CREB5: variants seen among roughly 807,000 people sequenced by gnomAD.
The protein encoded by CREB5 is cAMP responsive element binding protein 5.
In CREB5, 19 loss-of-function variants were observed where a neutral mutation model predicts 57.1. The ratio of observed to expected loss-of-function variants is 0.33; its 90% CI spans 0.23 to 0.49. CREB5 has a LOEUF of 0.49. CREB5 is among the 20% of genes least tolerant of loss of function. The pLI, the probability that CREB5 is intolerant of heterozygous loss-of-function variation, is 0.99. For synonymous variants in CREB5, 238 were observed against 238.3 expected (o/e 1.00, Z 0.01); for missense variants, 579 against 671.6 (o/e 0.86, Z 1.52).
At chr7:28,307,980 C>T (rs1052788460) in intron 1 of CREB5, among the ~76,000 whole-genome samples, 2 of 152,214 alleles carry the variant, frequency 1.3e-5, no homozygotes, top group Admixed American at 6.5e-5. Flanking sequence ...AGGGCTGCTC[C>T]AGGCATAGGT....
At chr7:28,368,001 A>G (rs1014568114) in intron 1 of CREB5, among the ~76,000 whole-genome samples, 6 of 152,222 alleles carry the variant, frequency 3.9e-5, no homozygotes, top group Non-Finnish European at 8.8e-5. Flanking sequence ...ATACCCCACC[A>G]ATGATCTATG....
At chr7:28,810,408 G>A (rs574808449) in intron 9 of CREB5, among the ~76,000 whole-genome samples, 22 of 152,048 alleles carry the variant, frequency 1.4e-4, no homozygotes, top group Non-Finnish European at 3.1e-4. Flanking sequence ...GGGTCCGGGC[G>A]CAGTGGCCTA....
At chr7:28,614,113 C>T (rs1797508547) in intron 5 of CREB5, among the ~76,000 whole-genome samples, 2 of 152,220 alleles carry the variant, frequency 1.3e-5, no homozygotes, top group East Asian at 1.9e-4. Flanking sequence ...GCACACAACC[C>T]CACACCCAGC....
intron 1 of CREB5, among the ~76,000 whole-genome samples, chr7:28,438,013 A>G (rs917394711): frequency 5.9e-5 from 9 of 152,126 alleles, no homozygotes; most frequent in Non-Finnish European, 1.3e-4. Context: ...GCTTTTCTTC[A>G]GGAGCCATTT....
At chr7:28,344,745 A>G (rs1278787909) in intron 1 of CREB5, among the ~76,000 whole-genome samples, 4 of 152,176 alleles carry the variant, frequency 2.6e-5, no homozygotes, top group Admixed American at 6.5e-5. Context: ...ACAAGATCCA[A>G]TTGTATGCTG....
At chr7:28,606,450 T>C (rs1050247480) in intron 5 of CREB5, among the ~76,000 whole-genome samples, 1 of 152,206 alleles carries the variant, frequency 6.6e-6, no homozygotes, top group Non-Finnish European at 1.5e-5. Flanking sequence ...TCCTGGCAGA[T>C]ATTTCTGGTG....
intron 5 of CREB5, among the ~76,000 whole-genome samples, chr7:28,601,496 C>A (rs1349537964): frequency 6.6e-6 from 1 of 152,108 alleles, no homozygotes; most frequent in Non-Finnish European, 1.5e-5. Flanking sequence ...GGTACCTCAA[C>A]CCCTATGGGC....
chr7:28,511,495 C>CT (rs913768550), intron 4 of CREB5, among the ~76,000 whole-genome samples: 1 of 152,060 alleles, frequency 6.6e-6, no homozygotes, highest in Non-Finnish European at 1.5e-5. Flanking sequence ...ATTTTTTGGG[C>CT]TTTTTTTGAG....
At chr7:28,436,214 C>G (rs554150780) in intron 1 of CREB5, among the ~76,000 whole-genome samples, 3 of 152,098 alleles carry the variant, frequency 2.0e-5, no homozygotes, top group Admixed American at 6.5e-5. Context: ...ATCAATGCCT[C>G]TTGCCCTTGT....
chr7:28,693,829 G>A (rs774630277), intron 5 of CREB5, among the ~76,000 whole-genome samples: 11 of 152,320 alleles, frequency 7.2e-5, no homozygotes, highest in South Asian at 2.1e-4. Context: ...GACTTCTTTG[G>A]AAGTCTGGAT....
At chr7:28,397,979 A>G (rs1283397738) in intron 1 of CREB5, among the ~76,000 whole-genome samples, 1 of 152,180 alleles carries the variant, frequency 6.6e-6, no homozygotes, top group Non-Finnish European at 1.5e-5. Flanking sequence ...AACCATTTAA[A>G]AATGTACAAT....
rs552129385 is a variant in CREB5, at chr7:28,824,260, T to A, written c.*4981T>A. ...ATCCCTTTATTCATAGCATGTTTTT[T>A]AAAAATGTTATATTATGCAACAGAT... is the stretch of plus-strand genomic sequence containing the variant. On this transcript the variant is annotated 3_prime_UTR_variant, in exon 11 of 11. Transcript: ENST00000357727. The A allele has an allele frequency of 3.9e-5, 6 of 152,744 alleles. No individual in the cohort carries two copies. The East Asian group carries it at 1.2e-3, about 29-fold the overall frequency. 9.5% of individuals were successfully genotyped at this position (152,744 alleles called of 1,614,324 possible). A position where few individuals can be genotyped will look rare whatever the true frequency, so the allele number is the denominator to read the frequency against.
intron 1 of CREB5, among the ~76,000 whole-genome samples, chr7:28,363,561 T>G (rs1265894540): frequency 6.6e-6 from 1 of 151,712 alleles, no homozygotes; most frequent in Non-Finnish European, 1.5e-5. Flanking sequence ...AGAATGGGTT[T>G]GAACTTCCTT....
chr7:28,804,861 GA>G (rs1343689472), intron 8 of CREB5, among the ~76,000 whole-genome samples: 1 of 152,214 alleles, frequency 6.6e-6, no homozygotes, highest in Non-Finnish European at 1.5e-5. Context: ...AGCTTGTGAA[GA>G]AAGATGTGAA....
intron 1 of CREB5, among the ~76,000 whole-genome samples, chr7:28,402,127 C>A (rs1462545927): frequency 6.6e-6 from 1 of 152,170 alleles, no homozygotes; most frequent in East Asian, 1.9e-4. Context: ...GATGGTATCT[C>A]ATTGTGGTTT....
chr7:28,481,515 G>T lies in CREB5; in HGVS notation c.4-6660G>T, dbSNP rs116111643. 4.5e-3 allele frequency among the ~76,000 whole-genome samples: 687 copies of T among 152,242 alleles called. 6 individuals are homozygous for T. Among genetic ancestry groups the T allele is most frequent in the African/African-American group, 0.016 (653 of 41,524 alleles). ...AAGGTACAGCCCCACTCTTGGTCTT[G>T]TTCCCTGTGTAAATCTCTGGTTTGA... On this transcript the variant is annotated intron_variant, in intron 1 of 10. Transcript: ENST00000357727.
chr7:28,668,342 A>G (rs1028231397), intron 5 of CREB5, among the ~76,000 whole-genome samples: 3 of 152,236 alleles, frequency 2.0e-5, no homozygotes, highest in South Asian at 4.1e-4. Flanking sequence ...GAAGGGTCAT[A>G]TATTCTTTTC....
At chr7:28,461,584 T>C (rs983350251) in intron 1 of CREB5, among the ~76,000 whole-genome samples, 2 of 152,188 alleles carry the variant, frequency 1.3e-5, no homozygotes, top group Admixed American at 1.3e-4. Flanking sequence ...GAAATATGTA[T>C]ATCTGATGTG....
Position 28,724,312 on chromosome 7 carries a change from A to G in CREB5, c.682A>G (p.Met228Val), listed in dbSNP as rs1233628355. The change falls in exon 7 of 11, where the codon ATG becomes GTG. Residue 228 changes from methionine to valine, a missense_variant. Physicochemically the swap from Met to Val is conservative, Grantham distance 21 (BLOSUM62 1). This residue lies in a region of CREB5 where 459 missense variants were observed against 515.7 expected (regional missense o/e 0.89). Coordinates refer to ENST00000357727, the MANE Select transcript of CREB5 (RefSeq NM_182898.4). ...CTGTGCTTCTCCCCAGGTCCAGCCA[A>G]TGCATTCAGAAGCCAAAATGGTAAG... ...NPCASPQVQP[M>V]HSEAKMRLKA... The G allele has an allele frequency of 2.5e-6, 4 of 1,613,738 alleles. No homozygotes were observed. The highest frequency in any genetic ancestry group is 1.7e-5 in the Admixed American group (1 of 59,990).
Sources: allele counts gnomAD v4.1 joint callset (sites outside exome capture counted in the v4.1 genomes callset), GRCh38; gene constraint gnomAD v4.1.1; regional missense constraint gnomAD v4.1.1; transcripts MANE v1.5; gene names NCBI Gene and HGNC (gene_info 2026-07-23, HGNC 2026-07-21).